The following TRMT11 variants were observed in gnomAD, a reference collection of about 807,000 sequenced individuals.
TRMT11 encodes the protein tRNA methyltransferase 11.
TRMT11 carries 53 observed loss-of-function variants against 62.8 expected under a neutral mutation model. The observed-to-expected ratio is 0.84, with a 90% CI of 0.68 to 1.06. The LOEUF (loss-of-function observed/expected upper bound fraction) is 1.06, where lower values mean the gene tolerates loss of function less well. Ranked by LOEUF, TRMT11 falls within the 50% of genes least tolerant of loss-of-function variation. The pLI is 0.00. For missense variants in TRMT11, 556 were observed against 553.4 expected (o/e 1.00, Z -0.05); for synonymous variants, 188 against 190.3 (o/e 0.99, Z 0.10).
intron 21 of TRMT11, among the ~76,000 whole-genome samples, chr6:126,122,044 G>C (rs1195983913): frequency 6.6e-6 from 1 of 152,032 alleles, no homozygotes; most frequent in Non-Finnish European, 1.5e-5. Context: ...TTCCCATGCT[G>C]TTCTTGTGAT....
At chr6:125,996,595 A>G (rs1791561606) in intron 3 of TRMT11, among the ~76,000 whole-genome samples, 2 of 150,952 alleles carry the variant, frequency 1.3e-5, no homozygotes, top group Admixed American at 6.6e-5. Context: ...CTTTTCTTTC[A>G]TTTCTTTTTT....
At chr6:126,067,880 G>T (rs1776735593) in intron 17 of TRMT11, among the ~76,000 whole-genome samples, 1 of 152,112 alleles carries the variant, frequency 6.6e-6, no homozygotes, top group Non-Finnish European at 1.5e-5. Flanking sequence ...GAGTAGGTAG[G>T]TGTACACTAC....
chr6:126,052,842 C>G (rs940538961), intron 16 of TRMT11, among the ~76,000 whole-genome samples: 2 of 152,220 alleles, frequency 1.3e-5, no homozygotes, highest in Non-Finnish European at 2.9e-5. Context: ...AACCTGAAAA[C>G]AGGAGAACCA....
chr6:126,070,708 A>G (rs1236094041), intron 17 of TRMT11, among the ~76,000 whole-genome samples: 2 of 152,228 alleles, frequency 1.3e-5, no homozygotes, highest in African/African-American at 2.4e-5. Context: ...ATGACAATAT[A>G]ATAGCACCAT....
chr6:126,099,870 G>T lies in TRMT11; in HGVS notation c.*1438-12996G>T, dbSNP rs565123733. Among the ~76,000 whole-genome samples, 17 of 152,348 alleles carry T rather than the reference G, an allele frequency of 1.1e-4. No homozygotes were observed. In the South Asian group the frequency reaches 3.5e-3, roughly 32 times the overall value. On this transcript the variant is annotated intron_variant and NMD_transcript_variant, in intron 17 of 22. Coordinates refer to the TRMT11 transcript ENST00000648977. Reference sequence around the variant, plus strand: ...GAGTTGATTTTTGAAACTGGAATGAGAGAAGAAGTGGTTGTGGGTCTGGAA... The same window carrying T: ...GAGTTGATTTTTGAAACTGGAATGATAGAAGAAGTGGTTGTGGGTCTGGAA...
chr6:126,059,286 GT>G (rs1404743098), intron 17 of TRMT11, among the ~76,000 whole-genome samples: 1 of 152,050 alleles, frequency 6.6e-6, no homozygotes, highest in Non-Finnish European at 1.5e-5. Flanking sequence ...AGATTTTTGA[GT>G]TTCTATCCTC....
the TRMT11 span, among the ~76,000 whole-genome samples, chr6:126,228,337 C>A: frequency 3.3e-5 from 5 of 152,308 alleles, no homozygotes; most frequent in East Asian, 9.6e-4. Flanking sequence ...GCTCTGCTTT[C>A]TGCCAGCACG....
chr6:126,006,782 C>T (rs1793418880), intron 7 of TRMT11: 1 of 151,810 alleles, frequency 6.6e-6, no homozygotes. Flanking sequence ...AAAATAAAAG[C>T]TTAAAGGGCA....
At chr6:126,253,927 G>C in the TRMT11 span, among the ~76,000 whole-genome samples, 8 of 152,080 alleles carry the variant, frequency 5.3e-5, no homozygotes, top group African/African-American at 1.9e-4. Context: ...TTCATAGACT[G>C]GTCAACTATT....
chr6:126,183,792 G>T (rs1001548914), intron 1 of TRMT11, among the ~76,000 whole-genome samples: 8 of 146,378 alleles, frequency 5.5e-5, no homozygotes, highest in Non-Finnish European at 7.5e-5. Flanking sequence ...CACTTATAGA[G>T]TGCTTCATCT....
At chr6:126,140,335 C>T (rs535910717) in intron 21 of TRMT11, among the ~76,000 whole-genome samples, 1 of 151,890 alleles carries the variant, frequency 6.6e-6, no homozygotes, top group Non-Finnish European at 1.5e-5. Flanking sequence ...TCCATGATTT[C>T]CTTTCTTGTG....
At chr6:126,165,137 G>T (rs138952403) in intron 21 of TRMT11, among the ~76,000 whole-genome samples, 5 of 152,032 alleles carry the variant, frequency 3.3e-5, no homozygotes, top group Admixed American at 3.3e-4. Flanking sequence ...AATTAGCTGG[G>T]CGTAGTGGTG....
chr6:126,264,414 C>T, the TRMT11 span, among the ~76,000 whole-genome samples: 2 of 152,170 alleles, frequency 1.3e-5, no homozygotes, highest in African/African-American at 4.8e-5. Context: ...CTCACAGCAA[C>T]TCTAAGAGGT....
chr6:126,002,526 A>T (rs1792679083), intron 7 of TRMT11, among the ~76,000 whole-genome samples: 2 of 152,064 alleles, frequency 1.3e-5, no homozygotes, highest in Non-Finnish European at 2.9e-5. Flanking sequence ...TCAGTTCTTC[A>T]CCCTAAGGGG....
At chr6:126,051,689 G>T (rs1048611542) in intron 16 of TRMT11, among the ~76,000 whole-genome samples, 5 of 152,140 alleles carry the variant, frequency 3.3e-5, no homozygotes, top group Admixed American at 6.5e-5. Context: ...CAGATGAGGA[G>T]TCAGGGATGA....
chr6:126,139,110 T>C (rs1040299054), intron 21 of TRMT11, among the ~76,000 whole-genome samples: 3 of 152,034 alleles, frequency 2.0e-5, no homozygotes, highest in African/African-American at 7.2e-5. Flanking sequence ...GTAATAATTC[T>C]AATTTTAAGA....
chr6:126,263,911 T>G, the TRMT11 span, among the ~76,000 whole-genome samples: 1 of 152,242 alleles, frequency 6.6e-6, no homozygotes, highest in Non-Finnish European at 1.5e-5. Context: ...CCTTTAAAAA[T>G]TATATTTTAA....
At position 126,029,609 on chromosome 6, in the gene TRMT11, A is replaced by C. The variant is rs78968437; in HGVS notation, c.1260+8329A>C. Reference sequence around the variant, plus strand: ...CTCACCTAGGAGAGGAATAGTCTCTACATTAAAGTGAGAGCATATATATGT... The same window carrying C: ...CTCACCTAGGAGAGGAATAGTCTCTCCATTAAAGTGAGAGCATATATATGT... On this transcript the variant is annotated intron_variant, in intron 12 of 12. Transcript: ENST00000334379. 3.2e-3 allele frequency among the ~76,000 whole-genome samples: 480 copies of C among 152,332 alleles called. 3 individuals are homozygous for C. The highest frequency in any genetic ancestry group is 0.011 in the African/African-American group (457 of 41,586).
At chr6:126,016,889 C>T (rs975994809) in intron 11 of TRMT11, among the ~76,000 whole-genome samples, 2 of 152,010 alleles carry the variant, frequency 1.3e-5, no homozygotes, top group African/African-American at 4.8e-5. Context: ...AAGCCTAAAG[C>T]GATCTTATTA....
Sources: gnomAD v4.1 joint callset for allele counts (sites outside exome capture counted in the v4.1 genomes callset) on GRCh38, gnomAD v4.1.1 for gene constraint, MANE v1.5 for transcripts, NCBI Gene and HGNC (gene_info 2026-07-23, HGNC 2026-07-21) for gene names.